The following INPP5A variants were observed in gnomAD, a reference collection of about 807,000 sequenced individuals.
INPP5A encodes inositol polyphosphate-5-phosphatase A.
A neutral mutation model predicts 65.2 loss-of-function variants in INPP5A; 14 were observed. That is an observed-to-expected ratio of 0.21 (90% confidence interval 0.14 to 0.34). The LOEUF (loss-of-function observed/expected upper bound fraction) is 0.34, where lower values mean the gene tolerates loss of function less well. INPP5A is among the 10% of genes least tolerant of loss of function. The probability of loss-of-function intolerance (pLI) is 1.00; values close to 1 mark genes in which losing one functional copy is unlikely to be tolerated. For missense variants in INPP5A, 431 were observed against 545.6 expected (o/e 0.79, Z 2.09); for synonymous variants, 207 against 208.3 (o/e 0.99, Z 0.05).
intron 1 of INPP5A, among the ~76,000 whole-genome samples, chr10:132,576,173 A>G (rs2133292224): frequency 6.6e-6 from 1 of 152,252 alleles, no homozygotes; most frequent in Non-Finnish European, 1.5e-5. Context: ...AGGCCAGGTG[A>G]GGGAGCCGTG....
At chr10:132,731,217 G>A (rs1846079018) in intron 9 of INPP5A, among the ~76,000 whole-genome samples, 1 of 152,162 alleles carries the variant, frequency 6.6e-6, no homozygotes, top group Non-Finnish European at 1.5e-5. Context: ...AGAGAAGGCG[G>A]CCCTGGAGGT....
At chr10:132,563,505 A>G (rs372816397) in intron 1 of INPP5A, among the ~76,000 whole-genome samples, 2 of 152,238 alleles carry the variant, frequency 1.3e-5, no homozygotes, top group East Asian at 1.9e-4. Context: ...AGGTGAATTT[A>G]GAATGTATAC....
At chr10:132,605,787 T>TC (rs1461856657) in intron 1 of INPP5A, among the ~76,000 whole-genome samples, 1 of 152,188 alleles carries the variant, frequency 6.6e-6, no homozygotes, top group East Asian at 1.9e-4. Flanking sequence ...TGTCTTTTTT[T>TC]CACGTTTCTT....
At chr10:132,778,077 G>A (rs1847094884) in intron 13 of INPP5A, among the ~76,000 whole-genome samples, 1 of 152,194 alleles carries the variant, frequency 6.6e-6, no homozygotes, top group Non-Finnish European at 1.5e-5. Context: ...TTTTCAAATC[G>A]TGGTTCATTG....
At position 132,727,796 on chromosome 10, in the gene INPP5A, G is replaced by C. The variant is rs1373822677; in HGVS notation, c.732+891G>C. ...GCCACGGTGAGTCAGATGGGGACACGGTAAGTCGGATGGGGACACGGTGAG... is the reference window on the plus strand; with the variant it reads ...GCCACGGTGAGTCAGATGGGGACACCGTAAGTCGGATGGGGACACGGTGAG... On this transcript the variant is annotated intron_variant, in intron 9 of 15. Coordinates refer to ENST00000368594, the MANE Select transcript of INPP5A (RefSeq NM_005539.5). This position sits in a 1 kb window ranked among gnomAD's most constrained non-coding sequence, Gnocchi z 6.5. 6.6e-6 allele frequency among the ~76,000 whole-genome samples: 1 copy of C among 152,054 alleles called. No homozygotes were observed. The highest frequency in any genetic ancestry group is 2.4e-5 in the African/African-American group (1 of 41,360).
intron 11 of INPP5A, among the ~76,000 whole-genome samples, chr10:132,764,214 A>T (rs1312456152): frequency 6.6e-6 from 1 of 152,268 alleles, no homozygotes; most frequent in Non-Finnish European, 1.5e-5. Context: ...TGCCCATTTC[A>T]GGGATAATGG....
At chr10:132,781,548 T>C (rs1014057813) in intron 14 of INPP5A, among the ~76,000 whole-genome samples, 3 of 152,236 alleles carry the variant, frequency 2.0e-5, no homozygotes, top group African/African-American at 7.2e-5. Context: ...CTTCCCCGCT[T>C]CATTTGGGGC....
At chr10:132,623,046 G>A (rs1009748470) in intron 2 of INPP5A, among the ~76,000 whole-genome samples, 1 of 152,128 alleles carries the variant, frequency 6.6e-6, no homozygotes. Flanking sequence ...ACTCAGTTAC[G>A]CTGACATGTT....
rs913533349 is a variant in INPP5A at position 132,550,664 on chromosome 10, C to G, written c.75+12493C>G. Reference sequence around the variant, plus strand: ...CCACAGGACGTCCACTGTAGGACAGCTGGGAGTGGGGGTGTCTGGCTATTT... The same window carrying G: ...CCACAGGACGTCCACTGTAGGACAGGTGGGAGTGGGGGTGTCTGGCTATTT... On this transcript the variant is annotated intron_variant, in intron 1 of 15. Transcript: ENST00000368594. The surrounding 1 kb of genome is among the most constrained non-coding windows in gnomAD (Gnocchi z 4.2). Among the ~76,000 whole-genome samples, 2 of 152,218 alleles carry G rather than the reference C, an allele frequency of 1.3e-5. No individual in the cohort carries two copies. The highest frequency in any genetic ancestry group is 2.4e-5 in the African/African-American group (1 of 41,460).
chr10:132,596,583 A>G (rs1430506737), intron 1 of INPP5A, among the ~76,000 whole-genome samples: 2 of 152,060 alleles, frequency 1.3e-5, no homozygotes, highest in Non-Finnish European at 2.9e-5. Context: ...ACCCACCACC[A>G]TGCCCGGCTA....
chr10:132,760,563 T>A (rs1368940605), intron 11 of INPP5A, among the ~76,000 whole-genome samples: 1 of 152,248 alleles, frequency 6.6e-6, no homozygotes, highest in Non-Finnish European at 1.5e-5. Flanking sequence ...ACAACTTCAT[T>A]AAGGACGTGG....
rs1360382562 is a variant in INPP5A, at chr10:132,781,891, G to A, written c.1189G>A (p.Gly397Arg). 5.6e-6 allele frequency: 9 copies of A among 1,613,676 alleles called. No homozygotes were observed. The highest frequency in any genetic ancestry group is 3.3e-5 in the Admixed American group (2 of 59,998). The change falls in exon 15 of 16, where the codon GGG becomes AGG. Residue 397 changes from glycine to arginine, a missense_variant. Gly to Arg is a moderately radical substitution (Grantham distance 125, BLOSUM62 -2). Coordinates refer to ENST00000368594, the MANE Select transcript of INPP5A (RefSeq NM_005539.5). ...GTTCCTGGCCTTCCGAATCATGCCC[G>A]GGGCAGGTAAACCTCATGCCCATGT... ...PVFLAFRIMP[G>R]AGKPHAHVHK...
chr10:132,746,361 C>A (rs1038595112), intron 9 of INPP5A, among the ~76,000 whole-genome samples: 1 of 152,216 alleles, frequency 6.6e-6, no homozygotes, highest in Non-Finnish European at 1.5e-5. Context: ...GGCAGAGTGT[C>A]CGGGACAGTT....
intron 9 of INPP5A, among the ~76,000 whole-genome samples, chr10:132,734,384 G>A (rs1249896586): frequency 6.6e-6 from 1 of 152,254 alleles, no homozygotes. Context: ...TTTTCGCACT[G>A]TGGTCCAGCC....
At chr10:132,544,792 T>C (rs2133244381) in intron 1 of INPP5A, among the ~76,000 whole-genome samples, 1 of 152,278 alleles carries the variant, frequency 6.6e-6, no homozygotes, top group Non-Finnish European at 1.5e-5. Context: ...GCTCTTTGGA[T>C]TGTTACTGAT....
intron 1 of INPP5A, among the ~76,000 whole-genome samples, chr10:132,571,498 TAATC>T: frequency 6.6e-6 from 1 of 152,362 alleles, no homozygotes; most frequent in African/African-American, 2.4e-5. Flanking sequence ...GGACCACTGA[TAATC>T]AAAACCACCA....
chr10:132,570,409 G>A (rs1328722138), intron 1 of INPP5A, among the ~76,000 whole-genome samples: 1 of 152,160 alleles, frequency 6.6e-6, no homozygotes, highest in Non-Finnish European at 1.5e-5. Flanking sequence ...GGAGGAGTTC[G>A]GGTGGAGCTG....
chr10:132,562,639 G>T (rs2071221234), intron 1 of INPP5A, among the ~76,000 whole-genome samples: 1 of 152,246 alleles, frequency 6.6e-6, no homozygotes, highest in Admixed American at 6.5e-5. Context: ...AGTATGAACT[G>T]GAGCTGGTTT....
In INPP5A at chr10:132,548,562, TG is replaced by T. The variant is rs373179584; in HGVS notation, c.75+10393del. Among the ~76,000 whole-genome samples, 27 of 152,282 alleles carry T rather than the reference TG, an allele frequency of 1.8e-4. No homozygotes were observed. The East Asian group carries it at 3.7e-3, about 21-fold the overall frequency. ...TTCACTGACTTTGAGAAAATATTTA[TG>T]GTGTGTAACCATCACCGCACCCCAG... On this transcript the variant is annotated intron_variant, in intron 1 of 15. Transcript: ENST00000368594.
Sources: gnomAD v4.1 joint callset for allele counts (sites outside exome capture counted in the v4.1 genomes callset) on GRCh38, gnomAD v4.1.1 for gene constraint, Gnocchi (gnomAD v3.1) non-coding constraint, MANE v1.5 for transcripts, NCBI Gene and HGNC (gene_info 2026-07-23, HGNC 2026-07-21) for gene names.